XKR6: variants seen among roughly 807,000 people sequenced by gnomAD.
XKR6 encodes the protein XK-related protein 6.
Under a neutral mutation model 56.7 loss-of-function variants are expected in XKR6, and 22 were observed. That is an observed-to-expected ratio of 0.39 (90% confidence interval 0.28 to 0.55). The LOEUF (loss-of-function observed/expected upper bound fraction) is 0.55. Among genes scored for constraint, XKR6 ranks in the 20% least tolerant of loss-of-function variants. The probability of loss-of-function intolerance (pLI) is 0.66; values close to 1 mark genes in which losing one functional copy is unlikely to be tolerated. For missense variants in XKR6, 852 were observed against 889.0 expected (o/e 0.96, Z 0.53); for synonymous variants, 524 against 387.8 (o/e 1.35, Z -4.13).
chr8:11,044,635 AT>A (rs199827131), intron 1 of XKR6, among the ~76,000 whole-genome samples: 431 of 143,554 alleles, frequency 3.0e-3, no homozygotes, highest in Admixed American at 4.2e-3. Context: ...TGATTTTCTG[AT>A]TTTTTTTTTT....
chr8:11,125,017 A>G, intron 1 of XKR6, among the ~76,000 whole-genome samples: 2 of 146,918 alleles, frequency 1.4e-5, no homozygotes, highest in African/African-American at 2.5e-5. Flanking sequence ...TGAACCCGGG[A>G]GGTGGAGCTT....
chr8:11,041,602 T>C (rs1323921893), intron 1 of XKR6, among the ~76,000 whole-genome samples: 2 of 150,994 alleles, frequency 1.3e-5, no homozygotes, highest in Non-Finnish European at 2.9e-5. Flanking sequence ...ATGTTGATGA[T>C]GCAGATGCAA....
chr8:11,116,723 G>A (rs956983024), intron 1 of XKR6, among the ~76,000 whole-genome samples: 8 of 152,056 alleles, frequency 5.3e-5, no homozygotes, highest in Non-Finnish European at 1.0e-4. Flanking sequence ...GGTTTCATTC[G>A]CCTCCCGAAC....
chr8:11,198,847 C>G (rs1029884105), intron 1 of XKR6, among the ~76,000 whole-genome samples: 1 of 152,002 alleles, frequency 6.6e-6, no homozygotes, highest in Non-Finnish European at 1.5e-5. Context: ...TCTCTCTTCC[C>G]CATACTTTTT....
At chr8:11,196,256 A>T (rs1803882363) in intron 1 of XKR6, among the ~76,000 whole-genome samples, 1 of 152,224 alleles carries the variant, frequency 6.6e-6, no homozygotes, top group Non-Finnish European at 1.5e-5. Flanking sequence ...ATTTAATAGA[A>T]TCACTTCAGA....
intron 1 of XKR6, among the ~76,000 whole-genome samples, chr8:11,041,821 T>G (rs943308647): frequency 1.9e-4 from 29 of 152,186 alleles, no homozygotes; most frequent in African/African-American, 7.0e-4. Flanking sequence ...ACATTAAAAA[T>G]GGTCTAATAC....
intron 1 of XKR6, 103 bp from the exon 2 acceptor site, chr8:10,924,933 A>G: frequency 1.6e-6 from 2 of 1,225,276 alleles, no homozygotes; most frequent in Non-Finnish European, 1.1e-6. Context: ...CATCCCCCCA[A>G]CTCCCTATGC....
At chr8:11,116,871 A>C (rs907008471) in intron 1 of XKR6, among the ~76,000 whole-genome samples, 2 of 152,158 alleles carry the variant, frequency 1.3e-5, no homozygotes, top group African/African-American at 4.8e-5. Flanking sequence ...CCTAACTCCA[A>C]AACTTTCACT....
At chr8:11,187,443 C>A (rs1336588696) in intron 1 of XKR6, among the ~76,000 whole-genome samples, 5 of 152,162 alleles carry the variant, frequency 3.3e-5, no homozygotes, top group African/African-American at 9.7e-5. Context: ...AGAACTGCTG[C>A]AACACATGTC....
rs58774414 is a variant in XKR6, at chr8:10,984,732, C to CTATATATATATATATA, written c.765-59918_765-59903dup. On this transcript the variant is annotated intron_variant, in intron 1 of 2. Coordinates refer to ENST00000416569, the MANE Select transcript of XKR6 (RefSeq NM_173683.4). ...TCTCTCTCTCTCTCTCTCTCTCTCT[C>CTATATATATATATATA]TATATATATATATATATATATATAT... 3.0e-3 allele frequency among the ~76,000 whole-genome samples: 144 copies of CTATATATATATATATA among 47,404 alleles called. 2 individuals are homozygous for CTATATATATATATATA. Among genetic ancestry groups the CTATATATATATATATA allele is most frequent in the African/African-American group, 6.4e-3 (71 of 11,086 alleles). The allele number at this position is 47,404 out of a possible 152,430, so 31.1% of individuals were successfully genotyped here.
chr8:11,033,225 G>A (rs757442760), intron 1 of XKR6, among the ~76,000 whole-genome samples: 7 of 151,418 alleles, frequency 4.6e-5, no homozygotes, highest in Non-Finnish European at 7.4e-5. Flanking sequence ...GGATGGTTAC[G>A]ATGGTGATGG....
chr8:10,937,935 C>T (rs1204343475), intron 1 of XKR6, among the ~76,000 whole-genome samples: 7 of 151,360 alleles, frequency 4.6e-5, no homozygotes, highest in Admixed American at 2.0e-4. Flanking sequence ...CCACCCAGTT[C>T]GAGCTTCCCG....
intron 2 of XKR6, among the ~76,000 whole-genome samples, chr8:10,922,321 C>T (rs1252558267): frequency 6.6e-6 from 1 of 152,176 alleles, no homozygotes; most frequent in Non-Finnish European, 1.5e-5. Flanking sequence ...GCACTGTTGC[C>T]CTGGGCTGTG....
At chr8:11,030,353 A>G (rs1457838048) in intron 1 of XKR6, among the ~76,000 whole-genome samples, 1 of 152,168 alleles carries the variant, frequency 6.6e-6, no homozygotes, top group Non-Finnish European at 1.5e-5. Context: ...ACATGCTGCC[A>G]TTGTTTCTCT....
chr8:11,055,535 G>T (rs995322571), intron 1 of XKR6, among the ~76,000 whole-genome samples: 1 of 152,148 alleles, frequency 6.6e-6, no homozygotes, highest in African/African-American at 2.4e-5. Flanking sequence ...TGCAGGGAGC[G>T]GCATGGGGTT....
chr8:10,912,474 G>GAA (rs1563284664), intron 2 of XKR6, among the ~76,000 whole-genome samples: 1 of 143,120 alleles, frequency 7.0e-6, no homozygotes, highest in African/African-American at 2.6e-5. Flanking sequence ...TATAGAGAGA[G>GAA]AGAGAGAGAG....
chr8:11,118,324 A>C (rs1799279257), intron 1 of XKR6, among the ~76,000 whole-genome samples: 1 of 152,242 alleles, frequency 6.6e-6, no homozygotes, highest in South Asian at 2.1e-4. Context: ...TGGCCTCATA[A>C]AATGAGTTAG....
chr8:11,009,250 C>G (rs1307499506), intron 1 of XKR6, among the ~76,000 whole-genome samples: 1 of 152,192 alleles, frequency 6.6e-6, no homozygotes, highest in Non-Finnish European at 1.5e-5. Flanking sequence ...GTGACTCACA[C>G]CTGTAATCCC....
chr8:11,137,936 G>C (rs2116922539), intron 1 of XKR6: 7 of 355,136 alleles, frequency 2.0e-5, no homozygotes, highest in South Asian at 1.5e-4. Flanking sequence ...ACTCGACCTT[G>C]ATCACAGTAA....
Sources: gnomAD v4.1 joint callset for allele counts (sites outside exome capture counted in the v4.1 genomes callset) on GRCh38, gnomAD v4.1.1 for gene constraint, MANE v1.5 for transcripts, NCBI Gene and HGNC (gene_info 2026-07-23, HGNC 2026-07-21) for gene names.